The following EVC variants were observed in gnomAD, a reference collection of about 807,000 sequenced individuals.
EVC encodes the protein EvC ciliary complex subunit 1, also known as evC complex member EVC.
EVC carries 116 observed loss-of-function variants against 118.9 expected under a neutral mutation model. That is an observed-to-expected ratio of 0.98 (90% CI 0.84 to 1.14). The LOEUF is 1.14. Among genes scored for constraint, EVC ranks in the 50% most tolerant of loss-of-function variants. EVC has a pLI of 0.00. For missense variants in EVC, 1,401 were observed against 1,246.4 expected (o/e 1.12, Z -1.87); for synonymous variants, 619 against 534.7 (o/e 1.16, Z -2.18).
intron 16 of EVC, among the ~76,000 whole-genome samples, chr4:5,804,097 C>T (rs6840434): frequency 6.6e-6 from 1 of 152,146 alleles, no homozygotes; most frequent in African/African-American, 2.4e-5. Context: ...GTCACTGCGC[C>T]TGGCTCATTT....
chr4:5,802,131 C>T, intron 16 of EVC, 37 bp downstream of exon 16: 1 of 1,613,616 alleles, frequency 6.2e-7, no homozygotes, highest in East Asian at 2.2e-5. Flanking sequence ...CCAGAAGAGA[C>T]TGGCAATGTG....
chr4:5,734,643 C>T (rs971393414), intron 5 of EVC, among the ~76,000 whole-genome samples: 9 of 152,108 alleles, frequency 5.9e-5, no homozygotes, highest in African/African-American at 1.9e-4. Flanking sequence ...GGCAACACAG[C>T]GACATCCTGT....
At chr4:5,822,861 C>G in the EVC span, among the ~76,000 whole-genome samples, 1 of 152,362 alleles carries the variant, frequency 6.6e-6, no homozygotes, top group Admixed American at 6.5e-5. Context: ...ACTGCAACCA[C>G]AGCATTATCA....
downstream of EVC, among the ~76,000 whole-genome samples, chr4:5,817,065 G>A (rs1273621120): frequency 6.6e-6 from 1 of 152,222 alleles, no homozygotes; most frequent in Non-Finnish European, 1.5e-5. Context: ...CAGCCTAAAG[G>A]TCACAGGGCC....
rs1223331343 is a variant in EVC, at chr4:5,756,282, G to C, written c.1483G>C (p.Glu495Gln). 6.2e-7 allele frequency: 1 copy of C among 1,612,950 alleles called. No homozygotes were observed. Among genetic ancestry groups the C allele is most frequent in the Non-Finnish European group, 8.5e-7 (1 of 1,179,782 alleles). The change falls in exon 11 of 21, where the codon GAG becomes CAG. Residue 495 changes from glutamate (E) to glutamine (Q), a missense_variant. Coordinates refer to ENST00000264956, the MANE Select transcript of EVC (RefSeq NM_153717.3). This position sits in a 1 kb window ranked among gnomAD's most constrained non-coding sequence, Gnocchi z 4.2. ...CTCACAGGCTTTTCATGAGGTCCTGGAGAGGCAGAGGCTGATGCAGTGTGA... is the reference window on the plus strand; with the variant it reads ...CTCACAGGCTTTTCATGAGGTCCTGCAGAGGCAGAGGCTGATGCAGTGTGA... ...KFLEAFHEVL[E>Q]RQRLMQCDLE...
Position 5,801,952 on chromosome 4 carries a change from G to T in EVC, c.2307G>T (p.Arg769Ser). The T allele has an allele frequency of 7.4e-6, 12 of 1,613,292 alleles. No individual in the cohort carries two copies. The highest frequency in any genetic ancestry group is 9.3e-6 in the Non-Finnish European group (11 of 1,179,964). ...SRAKDRDDFKRTLMEAAVESV... is the reference protein window; with the variant it reads ...SRAKDRDDFKSTLMEAAVESV... ...CTGTCCTTCCTTTCTTCCCTCAGAGGACACTGATGGAGGCGGCAGTGGAGA... is the reference window on the plus strand; with the variant it reads ...CTGTCCTTCCTTTCTTCCCTCAGAGTACACTGATGGAGGCGGCAGTGGAGA... Residue 769 changes from arginine to serine, a missense_variant and splice_region_variant, in exon 16 of 21, where the codon AGG (arginine) becomes AGT (serine). By Grantham distance (110) the Arg-to-Ser change is moderately radical (BLOSUM62 -1). Transcript: ENST00000264956.
intron 13 of EVC, among the ~76,000 whole-genome samples, chr4:5,796,173 T>A (rs572079690): frequency 1.3e-5 from 2 of 152,352 alleles, no homozygotes; most frequent in East Asian, 3.9e-4. Flanking sequence ...TAGTTTCCAG[T>A]TATCTGCTGA....
intron 16 of EVC, among the ~76,000 whole-genome samples, chr4:5,802,720 C>A (rs1431652345): frequency 6.6e-6 from 1 of 152,164 alleles, no homozygotes; most frequent in Non-Finnish European, 1.5e-5. Context: ...CTATGAGACT[C>A]TGATGCCACT....
chr4:5,766,068 T>C (rs891439713), intron 11 of EVC, among the ~76,000 whole-genome samples: 19 of 136,290 alleles, frequency 1.4e-4, no homozygotes, highest in Admixed American at 2.9e-4. Flanking sequence ...TGTTTAGCGC[T>C]TCCTTCAGGA....
At chr4:5,714,107 C>T (rs578099716) in intron 1 of EVC, among the ~76,000 whole-genome samples, 2 of 152,294 alleles carry the variant, frequency 1.3e-5, no homozygotes, top group East Asian at 3.9e-4. Context: ...GCGGTCCTTT[C>T]TTAGACTCTA....
the EVC span, among the ~76,000 whole-genome samples, chr4:5,819,788 A>T: frequency 7.2e-3 from 1,091 of 150,836 alleles, 3 homozygotes; most frequent in Non-Finnish European, 0.011. Flanking sequence ...TGGTCTTTCC[A>T]TCCAAAAATC....
intron 11 of EVC, among the ~76,000 whole-genome samples, chr4:5,768,147 C>T (rs1733267790): frequency 6.6e-6 from 1 of 152,036 alleles, no homozygotes; most frequent in African/African-American, 2.4e-5. Flanking sequence ...GAGAAAGGGG[C>T]AGAAGAGGAG....
chr4:5,827,150 C>T, the EVC span, among the ~76,000 whole-genome samples: 1 of 152,220 alleles, frequency 6.6e-6, no homozygotes, highest in Non-Finnish European at 1.5e-5. Flanking sequence ...AAATTGCTGT[C>T]TTGGCATTTG....
At chr4:5,795,084 CA>C (rs1419437234) in intron 13 of EVC, among the ~76,000 whole-genome samples, 5 of 152,148 alleles carry the variant, frequency 3.3e-5, no homozygotes, top group Admixed American at 6.5e-5. Context: ...TTTATGACTG[CA>C]TAGTATTCCA....
At chr4:5,721,437 G>C (rs1436774004) in intron 2 of EVC, among the ~76,000 whole-genome samples, 1 of 152,204 alleles carries the variant, frequency 6.6e-6, no homozygotes, top group Non-Finnish European at 1.5e-5. Flanking sequence ...CCATTCCTGT[G>C]AAATGTCTAG....
At chr4:5,760,498 G>C (rs1455053327) in intron 11 of EVC, among the ~76,000 whole-genome samples, 1 of 152,080 alleles carries the variant, frequency 6.6e-6, no homozygotes, top group East Asian at 1.9e-4. Context: ...AAGGTGTCGA[G>C]GGACACAGTG....
chr4:5,730,589 AC>A (rs1416684321), intron 3 of EVC, among the ~76,000 whole-genome samples: 1 of 152,010 alleles, frequency 6.6e-6, no homozygotes, highest in Non-Finnish European at 1.5e-5. Context: ...GGAGGCCCTC[AC>A]TGCCTGAGTG....
chr4:5,769,266 C>A (rs1259904986), intron 11 of EVC, among the ~76,000 whole-genome samples: 1 of 152,044 alleles, frequency 6.6e-6, no homozygotes, highest in Non-Finnish European at 1.5e-5. Context: ...TTTATAAAAC[C>A]ATCAGATCTC....
chr4:5,745,916 G>A (rs1729298628), intron 7 of EVC, among the ~76,000 whole-genome samples: 1 of 152,212 alleles, frequency 6.6e-6, no homozygotes. Flanking sequence ...TTCACAGAGT[G>A]ACACATCTTG....
Sources: allele counts gnomAD v4.1 joint callset (sites outside exome capture counted in the v4.1 genomes callset), GRCh38; gene constraint gnomAD v4.1.1; non-coding constraint Gnocchi (gnomAD v3.1); transcripts MANE v1.5; gene names NCBI Gene and HGNC (gene_info 2026-07-23, HGNC 2026-07-21).